PTPRZ1: variants seen among roughly 807,000 people sequenced by gnomAD.
PTPRZ1 encodes protein tyrosine phosphatase receptor type Z1, also known as receptor-type tyrosine-protein phosphatase zeta.
A neutral mutation model predicts 214.1 loss-of-function variants in PTPRZ1; 82 were observed. That is an observed-to-expected ratio of 0.38 (90% CI 0.32 to 0.46). The LOEUF (loss-of-function observed/expected upper bound fraction) is 0.46, where lower values mean the gene tolerates loss of function less well. PTPRZ1 is among the 20% of genes least tolerant of loss of function. The pLI is 1.00. For synonymous variants in PTPRZ1, 945 were observed against 987.9 expected (o/e 0.96, Z 0.81); for missense variants, 2,603 against 2,748.7 (o/e 0.95, Z 1.19).
intron 2 of PTPRZ1, among the ~76,000 whole-genome samples, chr7:121,952,951 T>C (rs1046287138): frequency 6.6e-6 from 1 of 152,180 alleles, no homozygotes; most frequent in African/African-American, 2.4e-5. Context: ...TATTCAGGCT[T>C]CTGCCCTGCT....
At chr7:122,029,000 T>A (rs555894571) in intron 14 of PTPRZ1, among the ~76,000 whole-genome samples, 5 of 151,976 alleles carry the variant, frequency 3.3e-5, no homozygotes, top group Non-Finnish European at 7.4e-5. Flanking sequence ...AAAAGTCAGA[T>A]TAAGTCAATG....
chr7:122,054,426 C>T (rs1180690318), intron 26 of PTPRZ1, among the ~76,000 whole-genome samples: 3 of 151,808 alleles, frequency 2.0e-5, no homozygotes, highest in Non-Finnish European at 2.9e-5. Flanking sequence ...AAAAAAAGAC[C>T]TAGTTAGAAT....
In PTPRZ1 at chr7:122,044,540, G is replaced by A; in HGVS notation, c.6056G>A (p.Gly2019Asp). ...VNALLIPGPA[G>D]KTKLEKQFQL... ...GCACTCCTCATTCCTGGACCAGCAG[G>A]CAAAACAAAGCTAGAGAAACAATTC... Residue 2019 changes from glycine to aspartate, a missense_variant, in exon 23 of 30, where the codon GGC becomes GAC. Physicochemically the swap from Gly to Asp is moderately conservative, Grantham distance 94. This residue lies in a region of PTPRZ1 where 1,913 missense variants were observed against 1,914.3 expected (regional missense o/e 1.00). Coordinates refer to ENST00000393386, the MANE Select transcript of PTPRZ1 (RefSeq NM_002851.3). 2 of 1,613,706 alleles carry A rather than the reference G, an allele frequency of 1.2e-6. No homozygotes were observed. The highest frequency in any genetic ancestry group is 2.2e-5 in the East Asian group (1 of 44,852).
At chr7:121,888,279 G>A (rs1794464203) in intron 1 of PTPRZ1, among the ~76,000 whole-genome samples, 1 of 151,746 alleles carries the variant, frequency 6.6e-6, no homozygotes, top group South Asian at 2.1e-4. Flanking sequence ...TGCTGACATT[G>A]TTTAGAGTAT....
chr7:122,035,941 A>G (rs1436067829), intron 17 of PTPRZ1, among the ~76,000 whole-genome samples: 1 of 152,192 alleles, frequency 6.6e-6, no homozygotes, highest in Non-Finnish European at 1.5e-5. Context: ...GTTATACCTT[A>G]TATCATTTAC....
chr7:121,959,204 T>G (rs1796802428), intron 2 of PTPRZ1, among the ~76,000 whole-genome samples: 1 of 152,186 alleles, frequency 6.6e-6, no homozygotes, highest in Non-Finnish European at 1.5e-5. Flanking sequence ...ATAACTACCT[T>G]CTCTGACCTG....
chr7:121,987,067 G>C (rs1464787398), intron 8 of PTPRZ1, among the ~76,000 whole-genome samples: 2 of 152,092 alleles, frequency 1.3e-5, no homozygotes, highest in African/African-American at 4.8e-5. Flanking sequence ...TATATCCTTA[G>C]GATAAATAAA....
In PTPRZ1 at chr7:121,982,314, A is replaced by G. The variant is rs144336915; in HGVS notation, c.620-1351A>G. ...ATGTAACAGTATGACAGCTCTTCCT[A>G]TCTGGTAGTGAAAGTTTTCCAGCTT... On this transcript the variant is annotated intron_variant, in intron 6 of 29. Coordinates refer to ENST00000393386, the MANE Select transcript of PTPRZ1 (RefSeq NM_002851.3). Among the ~76,000 whole-genome samples the G allele has an allele frequency of 2.5e-4, 38 of 152,296 alleles. No homozygotes were observed. The East Asian group carries it at 6.9e-3, about 28-fold the overall frequency.
Position 122,055,036 on chromosome 7 carries a change from A to G in PTPRZ1, c.6477A>G (p.Leu2159=). Residue 2159 remains leucine, a synonymous_variant, in exon 27 of 30, where the codon CTA becomes CTG. Transcript: ENST00000393386. Reference sequence around the variant, plus strand: ...TTATGGCTGAAGAACACAAATGTCTATCTAATGAGGAAAAACTTATAATTC... The same window carrying G: ...TTATGGCTGAAGAACACAAATGTCTGTCTAATGAGGAAAAACTTATAATTC... ...VTLMAEEHKC[L]SNEEKLIIQD... 1 of 1,603,010 alleles carries G rather than the reference A, an allele frequency of 6.2e-7. No individual in the cohort carries two copies. The highest frequency in any genetic ancestry group is 8.5e-7 in the Non-Finnish European group (1 of 1,171,266).
At chr7:121,938,811 C>CT (rs1340317816) in intron 2 of PTPRZ1, among the ~76,000 whole-genome samples, 1 of 152,156 alleles carries the variant, frequency 6.6e-6, no homozygotes, top group Non-Finnish European at 1.5e-5. Context: ...CTTACTTTTA[C>CT]TTTTTATTTG....
intron 1 of PTPRZ1, among the ~76,000 whole-genome samples, chr7:121,901,213 A>G (rs1272530543): frequency 6.6e-6 from 1 of 152,210 alleles, no homozygotes; most frequent in African/African-American, 2.4e-5. Context: ...TAATTCAAGC[A>G]AAAACATTAT....
intron 1 of PTPRZ1, among the ~76,000 whole-genome samples, chr7:121,920,078 A>T (rs570063835): frequency 1.3e-5 from 2 of 152,218 alleles, no homozygotes; most frequent in South Asian, 4.1e-4. Flanking sequence ...AATAGTTCAT[A>T]TCTTTGTTCC....
In PTPRZ1 at chr7:122,039,557, A is replaced by T; in HGVS notation, c.5606A>T (p.Asn1869Ile). Reference sequence around the variant, plus strand: ...GTGCTTGCCTATTATACTGTGAGGAATTTTACTCTAAGAAACACAAAAATA... The same window carrying T: ...GTGCTTGCCTATTATACTGTGAGGATTTTTACTCTAAGAAACACAAAAATA... ...VQVLAYYTVR[N>I]FTLRNTKIKK... Residue 1869 changes from asparagine (N) to isoleucine (I), a missense_variant, in exon 20 of 30, where the codon AAT becomes ATT. Asn to Ile is a moderately radical substitution (Grantham distance 149, BLOSUM62 -3). Coordinates refer to ENST00000393386, the MANE Select transcript of PTPRZ1 (RefSeq NM_002851.3). 1 of 1,613,900 alleles carries T rather than the reference A, an allele frequency of 6.2e-7. No homozygotes were observed. The highest frequency in any genetic ancestry group is 8.5e-7 in the Non-Finnish European group (1 of 1,179,934).
intron 8 of PTPRZ1, among the ~76,000 whole-genome samples, chr7:121,988,544 T>G (rs1797840098): frequency 6.6e-6 from 1 of 152,222 alleles, no homozygotes; most frequent in South Asian, 2.1e-4. Flanking sequence ...TGTGGCACTT[T>G]GCCTTTCTTG....
chr7:121,940,925 A>G (rs1407478777), intron 2 of PTPRZ1, among the ~76,000 whole-genome samples: 2 of 152,152 alleles, frequency 1.3e-5, no homozygotes, highest in African/African-American at 4.8e-5. Flanking sequence ...AGCCTTTTCA[A>G]AAGCAGGTCT....
At chr7:122,051,113 T>C (rs920262006) in intron 23 of PTPRZ1, among the ~76,000 whole-genome samples, 2 of 152,106 alleles carry the variant, frequency 1.3e-5, no homozygotes, top group African/African-American at 4.8e-5. Flanking sequence ...CAAACGTCTG[T>C]GTGAGATTTA....
At chr7:121,889,401 G>A (rs10230347) in intron 1 of PTPRZ1, among the ~76,000 whole-genome samples, 11 of 151,986 alleles carry the variant, frequency 7.2e-5, no homozygotes, top group Admixed American at 2.0e-4. Context: ...GCAAGGTTTT[G>A]TGTGAATGTT....
intron 10 of PTPRZ1, among the ~76,000 whole-genome samples, chr7:122,003,823 G>A (rs1311620107): frequency 6.6e-6 from 1 of 152,184 alleles, no homozygotes; most frequent in Non-Finnish European, 1.5e-5. Context: ...CTTCTTAGGA[G>A]AGAAAGAACC....
intron 2 of PTPRZ1, among the ~76,000 whole-genome samples, chr7:121,954,235 C>T (rs1007449945): frequency 2.9e-4 from 44 of 152,128 alleles, no homozygotes. Context: ...TTAAATATGA[C>T]CGTGACACTT....
Sources: gnomAD v4.1 joint callset for allele counts (sites outside exome capture counted in the v4.1 genomes callset) on GRCh38, gnomAD v4.1.1 for gene constraint, gnomAD v4.1.1 regional missense constraint, MANE v1.5 for transcripts, NCBI Gene and HGNC (gene_info 2026-07-23, HGNC 2026-07-21) for gene names.